Variants in CBLIF observed in about 807,000 individuals in gnomAD.
CBLIF encodes the protein gastric intrinsic factor (vitamin B synthesis).
A neutral mutation model predicts 44.9 loss-of-function variants in CBLIF; 24 were observed. The observed-to-expected ratio is 0.53, with a 90% confidence interval of 0.39 to 0.75. The LOEUF is 0.75. Ranked by LOEUF, CBLIF falls within the 30% of genes least tolerant of loss-of-function variation. The probability of loss-of-function intolerance (pLI) is 0.00; values close to 1 mark genes in which losing one functional copy is unlikely to be tolerated. For synonymous variants in CBLIF, 183 were observed against 190.9 expected, an observed-to-expected ratio of 0.96 and a Z score of 0.34; for missense variants, 481 against 513.0, an observed-to-expected ratio of 0.94 and a Z score of 0.60.
At chr11:59,844,926 C>T (rs1866586188) in intron 1 of CBLIF, among the ~76,000 whole-genome samples, 1 of 152,140 alleles carries the variant, frequency 6.6e-6, no homozygotes, top group South Asian at 2.1e-4. Context: ...TAGCTCACTG[C>T]AGCCTCGACC....
chr11:59,835,113 T>C, intron 7 of CBLIF, among the ~76,000 whole-genome samples: 1 of 152,122 alleles, frequency 6.6e-6, no homozygotes, highest in East Asian at 1.9e-4. Flanking sequence ...TGCTCAGTCT[T>C]ATCGCAAATG....
Position 59,834,287 on chromosome 11 carries a change from T to C in CBLIF, c.1073+1521A>G, listed in dbSNP as rs1222935294. On this transcript the variant is annotated intron_variant, in intron 7 of 8. Coordinates refer to ENST00000257248, the MANE Select transcript of CBLIF (RefSeq NM_005142.3). ...TTCTTTCTTTCTTTCTTTCTTTCTTTCTTTCTTTCTTTCTTTCTTTCTTTC... is the reference window on the plus strand; with the variant it reads ...TTCTTTCTTTCTTTCTTTCTTTCTTCCTTTCTTTCTTTCTTTCTTTCTTTC... 1.4e-4 allele frequency among the ~76,000 whole-genome samples: 20 copies of C among 139,954 alleles called. 1 individual carries two copies. The highest frequency in any genetic ancestry group is 4.9e-4 in the African/African-American group (18 of 36,818). 91.8% of individuals were successfully genotyped at this position (139,954 alleles called of 152,430 possible). A position where few individuals can be genotyped will look rare whatever the true frequency, so the allele number is the denominator to read the frequency against.
chr11:59,840,940 C>T (rs776908048), intron 5 of CBLIF: 12 of 572,414 alleles, frequency 2.1e-5, no homozygotes, highest in Non-Finnish European at 3.8e-5. Flanking sequence ...TTTGTTTTCA[C>T]ACTTTACATA....
chr11:59,844,009 G>C lies in CBLIF; in HGVS notation c.126C>G (p.Leu42=). 1 of 1,613,826 alleles carries C rather than the reference G, an allele frequency of 6.2e-7. No homozygotes were observed. Among genetic ancestry groups the C allele is most frequent in the Non-Finnish European group, 8.5e-7 (1 of 1,179,712 alleles). ...CTGATGAAGTCACCGAGTTCTCCAT[G>C]AGTACTTGTATTCCATTGACCAAGG... is the stretch of plus-strand genomic sequence containing the variant. ...QEPLVNGIQV[L]MENSVTSSAY... Residue 42 remains leucine (L), a synonymous_variant, in exon 2 of 9, where the codon CTC becomes CTG. Coordinates refer to ENST00000257248, the MANE Select transcript of CBLIF (RefSeq NM_005142.3).
intron 5 of CBLIF, among the ~76,000 whole-genome samples, chr11:59,840,397 C>A (rs2135092892): frequency 6.6e-6 from 1 of 152,264 alleles, no homozygotes; most frequent in Non-Finnish European, 1.5e-5. Flanking sequence ...GAGGATTCAG[C>A]CACAGATGGT....
At chr11:59,842,409 T>C in intron 4 of CBLIF, 34 bp downstream of exon 4, 1 of 1,611,622 alleles carries the variant, frequency 6.2e-7, no homozygotes, top group Non-Finnish European at 8.5e-7. Flanking sequence ...ATGCCTCTGA[T>C]GTTCCCAGCT....
At chr11:59,830,098 C>A (rs965737017) in intron 8 of CBLIF, among the ~76,000 whole-genome samples, 2 of 152,062 alleles carry the variant, frequency 1.3e-5, no homozygotes, top group Admixed American at 6.6e-5. Flanking sequence ...AGGTAGCTGG[C>A]AACAGAAAGA....
Position 59,840,860 on chromosome 11 carries a change from T to C in CBLIF, c.693+283A>G. 6.4e-6 allele frequency: 2 copies of C among 311,526 alleles called. 1 individual carries two copies. Among genetic ancestry groups the C allele is most frequent in the South Asian group, 7.3e-5 (2 of 27,454 alleles). 19.3% of individuals were successfully genotyped at this position (311,526 alleles called of 1,614,324 possible). On this transcript the variant is annotated intron_variant, in intron 5 of 8. Coordinates refer to ENST00000257248, the MANE Select transcript of CBLIF (RefSeq NM_005142.3). ...CAAATAAACTGATCATTATTAATAATAAATTAATATATTTCTTGATTTATT... is the reference window on the plus strand; with the variant it reads ...CAAATAAACTGATCATTATTAATAACAAATTAATATATTTCTTGATTTATT...
Position 59,829,345 on chromosome 11 carries a change from A to C in CBLIF, c.*139T>G, listed in dbSNP as rs541677351. On this transcript the variant is annotated 3_prime_UTR_variant, in exon 9 of 9. Coordinates refer to ENST00000257248, the MANE Select transcript of CBLIF (RefSeq NM_005142.3). ...CCAGTGAACTTTGCATTTTTATTCT[A>C]CATAGTGGTTCTCCATGTTTTTACC... The C allele has an allele frequency of 2.9e-6, 2 of 686,920 alleles. No individual in the cohort carries two copies. The highest frequency in any genetic ancestry group is 5.6e-5 in the East Asian group (2 of 35,606). The allele number at this position is 686,920 out of a possible 1,614,324, so 42.6% of individuals were successfully genotyped here.
chr11:59,837,299 G>A lies in CBLIF; in HGVS notation c.746C>T (p.Thr249Ile). The part of the protein sequence containing the change: ...PSKKEWNCKK[T>I]TDMILNEIKQ... ...AATCTCATTGAGTATCATATCCGTA[G>A]TCTTCTTGCAGTTCCATTCCTTTTT... The change falls in exon 6 of 9, where the codon ACT (threonine) becomes ATT (isoleucine). Residue 249 changes from threonine (T) to isoleucine (I), a missense_variant. Thr to Ile is a moderately conservative substitution (Grantham distance 89, BLOSUM62 -1). Transcript: ENST00000257248. 6.2e-7 allele frequency: 1 copy of A among 1,613,070 alleles called. No individual in the cohort carries two copies. The highest frequency in any genetic ancestry group is 8.5e-7 in the Non-Finnish European group (1 of 1,179,046).
chr11:59,829,616 A>AG, intron 8 of CBLIF, 71 bp from the exon 9 acceptor site: 2 of 901,212 alleles, frequency 2.2e-6, no homozygotes, highest in Non-Finnish European at 3.8e-6. Context: ...CAAGGGATGC[A>AG]GTGAGCTAGA....
chr11:59,834,352 C>A (rs1389697990), intron 7 of CBLIF, among the ~76,000 whole-genome samples: 1 of 129,038 alleles, frequency 7.7e-6, no homozygotes, highest in Non-Finnish European at 1.6e-5. Context: ...CTTTCTTTCT[C>A]TTTCTTTCTC....
chr11:59,843,761 G>T, intron 2 of CBLIF, 118 bp downstream of exon 2: 1 of 781,908 alleles, frequency 1.3e-6, no homozygotes. Context: ...AAAGGTGTTT[G>T]GGTAGTTTAT....
chr11:59,844,053 C>T lies in CBLIF; in HGVS notation c.82G>A (p.Val28Ile), dbSNP rs139090732. Residue 28 changes from valine (V) to isoleucine (I), a missense_variant and splice_region_variant, in exon 2 of 9, where the codon GTT (valine) becomes ATT (isoleucine). By Grantham distance (29) the Val-to-Ile change is conservative. Coordinates refer to ENST00000257248, the MANE Select transcript of CBLIF (RefSeq NM_005142.3). ...ACCAAGGGCTCCTGTGCTGAGGGAA[C>T]GGCTGAGAAGAGGAAAGCCATTTAC... ...TSTQTQSSCS[V>I]PSAQEPLVNG... The T allele has an allele frequency of 5.0e-4, 813 of 1,612,102 alleles. No homozygotes were observed. The highest frequency in any genetic ancestry group is 1.5e-3 in the African/African-American group (109 of 74,980).
chr11:59,831,027 T>TTTG (rs1866367174), intron 8 of CBLIF, among the ~76,000 whole-genome samples: 1 of 152,230 alleles, frequency 6.6e-6, no homozygotes, highest in African/African-American at 2.4e-5. Flanking sequence ...TTATTTGCCT[T>TTTG]TACATGTCTC....
At chr11:59,843,400 A>G (rs1330835377) in intron 2 of CBLIF, among the ~76,000 whole-genome samples, 1 of 152,216 alleles carries the variant, frequency 6.6e-6, no homozygotes, top group Non-Finnish European at 1.5e-5. Flanking sequence ...AAAAGCAGCA[A>G]AATACTCATA....
chr11:59,842,329 A>T (rs1866543002), intron 4 of CBLIF, 114 bp downstream of exon 4: 1 of 1,187,220 alleles, frequency 8.4e-7, no homozygotes, highest in African/African-American at 1.5e-5. Flanking sequence ...GCACGTTCAC[A>T]TCCTTAGCTC....
At chr11:59,831,591 A>G in intron 8 of CBLIF, 87 bp downstream of exon 8, 1 of 734,416 alleles carries the variant, frequency 1.4e-6, no homozygotes, top group African/African-American at 1.8e-5. Flanking sequence ...AATTAAGTGA[A>G]TGAATGAATA....
At position 59,843,943 on chromosome 11, in the gene CBLIF, G is replaced by T; in HGVS notation, c.192C>A (p.Ala64=). The T allele has an allele frequency of 6.2e-7, 1 of 1,613,296 alleles. No individual in the cohort carries two copies. The highest frequency in any genetic ancestry group is 8.5e-7 in the Non-Finnish European group (1 of 1,179,362). The change falls in exon 2 of 9, where the codon GCC becomes GCA. Residue 64 remains alanine (A), a synonymous_variant. Transcript: ENST00000257248. ...NPSILIAMNL[A]GAYNLKAQKL... is the part of the protein sequence containing the mutation. Reference sequence around the variant, plus strand: ...TCTGGGCCTTCAAGTTGTAGGCTCCGGCCAGATTCATGGCAATCAGGATGC... The same window carrying T: ...TCTGGGCCTTCAAGTTGTAGGCTCCTGCCAGATTCATGGCAATCAGGATGC...
Sources: allele counts gnomAD v4.1 joint callset (sites outside exome capture counted in the v4.1 genomes callset), GRCh38; gene constraint gnomAD v4.1.1; transcripts MANE v1.5; gene names NCBI Gene and HGNC (gene_info 2026-07-23, HGNC 2026-07-21).